Variants in SH3YL1 observed in about 807,000 individuals in gnomAD.
The protein encoded by SH3YL1 is SH3 domain-containing YSC84-like protein 1.
Under a neutral mutation model 45.8 loss-of-function variants are expected in SH3YL1, and 41 were observed. The observed-to-expected ratio is 0.89, with a 90% confidence interval of 0.70 to 1.16. SH3YL1 has a LOEUF of 1.16. SH3YL1 is among the 50% of genes most tolerant of loss of function. SH3YL1 has a pLI of 0.00. For missense variants in SH3YL1, 389 were observed against 409.6 expected (o/e 0.95, Z 0.43); for synonymous variants, 152 against 151.4 (o/e 1.00, Z -0.03).
chr2:229,030 T>C (rs1224275126), intron 8 of SH3YL1, among the ~76,000 whole-genome samples: 1 of 152,196 alleles, frequency 6.6e-6, no homozygotes, highest in Non-Finnish European at 1.5e-5. Flanking sequence ...AGATCTACGT[T>C]AAAGTCACCT....
At chr2:238,988 C>T (rs992483758) in intron 4 of SH3YL1, among the ~76,000 whole-genome samples, 7 of 152,274 alleles carry the variant, frequency 4.6e-5, no homozygotes, top group African/African-American at 1.4e-4. Flanking sequence ...AACCCCACGC[C>T]GGCCTTCTGG....
chr2:247,606 A>G lies in SH3YL1; in HGVS notation c.227-4T>C, dbSNP rs1349132159. On this transcript the variant is annotated splice_polypyrimidine_tract_variant and splice_region_variant and intron_variant, in intron 3 of 9. Transcript: ENST00000356150. ...ATGGCTGAGGGTGCAGACCATTCTA[A>G]TAAAAAAACAAACGAACGTTATCCT... is the stretch of plus-strand genomic sequence containing the variant. 5.2e-6 allele frequency: 8 copies of G among 1,549,096 alleles called. No homozygotes were observed. The highest frequency in any genetic ancestry group is 7.0e-6 in the Non-Finnish European group (8 of 1,146,186).
chr2:229,909 T>C (rs777324463), intron 8 of SH3YL1, 57 bp downstream of exon 8: 1 of 1,327,132 alleles, frequency 7.5e-7, no homozygotes, highest in Non-Finnish European at 1.1e-6. Flanking sequence ...TTCTTAATGA[T>C]AACATTTAAT....
At chr2:239,784 T>C (rs946069673) in intron 4 of SH3YL1, 3 of 152,144 alleles carry the variant, frequency 2.0e-5, no homozygotes, top group Non-Finnish European at 4.4e-5. Context: ...AAAAATTATT[T>C]TAAAAATTAA....
At chr2:258,161 A>T (rs1413045961) in intron 1 of SH3YL1, among the ~76,000 whole-genome samples, 1 of 152,194 alleles carries the variant, frequency 6.6e-6, no homozygotes, top group African/African-American at 2.4e-5. Context: ...TATGAATTTT[A>T]AAATAGTTTT....
Position 253,200 on chromosome 2 carries a change from C to G in SH3YL1, c.2-85G>C. ...ATTATTATTTCATTCTTCTCATATA[C>G]AATTGTCAGAGGTGTTCAAACCAGA... On this transcript the variant is annotated intron_variant, in intron 1 of 9. Transcript: ENST00000356150. The G allele has an allele frequency of 6.1e-6, 5 of 818,650 alleles. No individual in the cohort carries two copies. In the Admixed American group the frequency reaches 1.0e-4, roughly 17 times the overall value. 50.7% of individuals were successfully genotyped at this position (818,650 alleles called of 1,614,324 possible).
intron 1 of SH3YL1, among the ~76,000 whole-genome samples, chr2:256,915 T>C (rs1172558223): frequency 1.3e-5 from 2 of 152,138 alleles, no homozygotes; most frequent in Non-Finnish European, 2.9e-5. Flanking sequence ...AAAATTTTAG[T>C]TATTTTAGTG....
At chr2:230,449 C>A in intron 7 of SH3YL1, 1 of 172,288 alleles carries the variant, frequency 5.8e-6, no homozygotes, top group South Asian at 1.5e-4. Flanking sequence ...ACATCATGAA[C>A]AATGCACACA....
At chr2:235,935 C>T (rs374304330) in intron 4 of SH3YL1, among the ~76,000 whole-genome samples, 3,053 of 15,158 alleles carry the variant, frequency 0.2, 686 homozygotes, top group East Asian at 0.54. Context: ...GGCAGCAGCA[C>T]GGGCCAGGGG....
At chr2:262,549 C>A (rs1669626382) in intron 1 of SH3YL1, 9 of 1,299,128 alleles carry the variant, frequency 6.9e-6, no homozygotes, top group South Asian at 6.2e-5. Context: ...AAAATGGGAT[C>A]TTCTCAGAGA....
At chr2:249,129 C>A (rs1283313963) in intron 3 of SH3YL1, among the ~76,000 whole-genome samples, 1 of 152,192 alleles carries the variant, frequency 6.6e-6, no homozygotes, top group Admixed American at 6.5e-5. Flanking sequence ...TTTTGACACA[C>A]CTGTGTCCAT....
intron 1 of SH3YL1, chr2:261,309 C>G (rs1029261012): frequency 1.3e-5 from 2 of 152,172 alleles, no homozygotes; most frequent in Non-Finnish European, 2.9e-5. Context: ...CAGGTCATTA[C>G]TAATGAAGCC....
intron 8 of SH3YL1, among the ~76,000 whole-genome samples, chr2:227,740 T>A (rs1667850886): frequency 6.6e-6 from 1 of 151,972 alleles, no homozygotes; most frequent in Non-Finnish European, 1.5e-5. Context: ...GTTGTGAACG[T>A]GGGTTTCCTG....
At chr2:225,428 T>G (rs1667752606) in intron 8 of SH3YL1, among the ~76,000 whole-genome samples, 1 of 152,240 alleles carries the variant, frequency 6.6e-6, no homozygotes, top group Admixed American at 6.5e-5. Context: ...GAGCACACCT[T>G]GCACATCATG....
At chr2:254,611 C>T (rs1447249655) in intron 1 of SH3YL1, among the ~76,000 whole-genome samples, 3 of 152,220 alleles carry the variant, frequency 2.0e-5, no homozygotes, top group Non-Finnish European at 2.9e-5. Flanking sequence ...GAAAATAAAT[C>T]TCAGGACCCC....
intron 4 of SH3YL1, chr2:243,699 TC>T: frequency 1.0e-6 from 1 of 956,936 alleles, no homozygotes; most frequent in Middle Eastern, 2.2e-4. Context: ...TTAAGTTTCT[TC>T]CCCGGAAGAA....
At chr2:247,431 C>A (rs1200618467) in intron 4 of SH3YL1, 107 bp downstream of exon 4, 3 of 767,158 alleles carry the variant, frequency 3.9e-6, no homozygotes, top group Non-Finnish European at 6.1e-6. Flanking sequence ...TTCCTAAGTG[C>A]CAATGGTAAC....
At chr2:238,344 C>T (rs929898256) in intron 4 of SH3YL1, among the ~76,000 whole-genome samples, 42 of 151,116 alleles carry the variant, frequency 2.8e-4, no homozygotes, top group Middle Eastern at 3.4e-3. Flanking sequence ...TTAAGTGGAG[C>T]GTCCTTCCAG....
intron 3 of SH3YL1, among the ~76,000 whole-genome samples, chr2:249,444 T>C (rs1668977885): frequency 6.6e-6 from 1 of 152,212 alleles, no homozygotes; most frequent in African/African-American, 2.4e-5. Context: ...CATACTGCCA[T>C]GTTTCAATAT....
Sources: gnomAD v4.1 joint callset for allele counts (sites outside exome capture counted in the v4.1 genomes callset) on GRCh38, gnomAD v4.1.1 for gene constraint, MANE v1.5 for transcripts, NCBI Gene and HGNC (gene_info 2026-07-23, HGNC 2026-07-21) for gene names.